Variants in TMEM266 observed in about 807,000 individuals in gnomAD.
The protein encoded by TMEM266 is transmembrane protein 266.
A neutral mutation model predicts 50.5 loss-of-function variants in TMEM266; 33 were observed. That is an observed-to-expected ratio of 0.65 (90% confidence interval 0.50 to 0.87). The LOEUF is 0.87. Among genes scored for constraint, TMEM266 ranks in the 40% least tolerant of loss-of-function variants. The pLI, the probability that TMEM266 is intolerant of heterozygous loss-of-function variation, is 0.00. For missense variants in TMEM266, 655 were observed against 695.1 expected, an observed-to-expected ratio of 0.94 and a Z score of 0.65; for synonymous variants, 310 against 292.3, an observed-to-expected ratio of 1.06 and a Z score of -0.62.
At chr15:76,195,171 C>T (rs2038636083) in intron 9 of TMEM266, among the ~76,000 whole-genome samples, 1 of 152,220 alleles carries the variant, frequency 6.6e-6, no homozygotes, top group African/African-American at 2.4e-5. Context: ...ACACCGTTCC[C>T]TGGCAACCTT....
In TMEM266 at chr15:76,181,759, A is replaced by G. The variant is rs114131771; in HGVS notation, c.768+6085A>G. 7.6e-3 allele frequency among the ~76,000 whole-genome samples: 1,158 copies of G among 152,240 alleles called. 15 individuals are homozygous for G. Among genetic ancestry groups the G allele is most frequent in the African/African-American group, 0.027 (1,110 of 41,532 alleles). On this transcript the variant is annotated intron_variant, in intron 8 of 10. Coordinates refer to ENST00000388942, the MANE Select transcript of TMEM266 (RefSeq NM_152335.3). ...CCATTTTAGATGCAGCAGTTAAATCAATGCAACGATATACTCTTCTGACTC... is the reference window on the plus strand; with the variant it reads ...CCATTTTAGATGCAGCAGTTAAATCGATGCAACGATATACTCTTCTGACTC...
chr15:76,126,374 C>CATATATATATATATATATATATAT (rs61446223), intron 1 of TMEM266, among the ~76,000 whole-genome samples: 25 of 137,806 alleles, frequency 1.8e-4, no homozygotes, highest in African/African-American at 6.4e-4. Context: ...CACCCACAGA[C>CATATATATATATATATATATATAT]ATATATATAT....
chr15:76,164,727 T>C (rs2142054785), intron 5 of TMEM266, among the ~76,000 whole-genome samples: 2 of 152,326 alleles, frequency 1.3e-5, no homozygotes, highest in South Asian at 4.1e-4. Context: ...TGGTGGCTGT[T>C]CCTTAGACCA....
chr15:76,126,350 TAC>T (rs377278112), intron 1 of TMEM266, among the ~76,000 whole-genome samples: 75 of 139,048 alleles, frequency 5.4e-4, no homozygotes, highest in African/African-American at 1.5e-3. Flanking sequence ...TATGTGTGTG[TAC>T]ACACACACAC....
In TMEM266 at chr15:76,202,190, C is replaced by T; in HGVS notation, c.959-12C>T. ...TTGATGCACTCACCCTTCTCTGTCCCCACCTCTGTAGAAGCCACGATGAAG... is the reference window on the plus strand; with the variant it reads ...TTGATGCACTCACCCTTCTCTGTCCTCACCTCTGTAGAAGCCACGATGAAG... On this transcript the variant is annotated splice_polypyrimidine_tract_variant and intron_variant, in intron 9 of 10. Transcript: ENST00000388942. The T allele has an allele frequency of 1.2e-6, 2 of 1,611,750 alleles. No homozygotes were observed. Among genetic ancestry groups the T allele is most frequent in the Non-Finnish European group, 1.7e-6 (2 of 1,178,212 alleles).
intron 8 of TMEM266, among the ~76,000 whole-genome samples, chr15:76,183,673 C>A (rs556119934): frequency 7.2e-5 from 11 of 152,334 alleles, no homozygotes; most frequent in East Asian, 1.9e-4. Context: ...AATGGGCTCA[C>A]AACATTCCCT....
At chr15:76,140,395 G>A (rs963042584) in intron 3 of TMEM266, among the ~76,000 whole-genome samples, 2 of 152,210 alleles carry the variant, frequency 1.3e-5, no homozygotes, top group Non-Finnish European at 2.9e-5. Context: ...GTCCAACCCG[G>A]CCCTTTCTGG....
chr15:76,099,533 A>G (rs1567150445), intron 1 of TMEM266, among the ~76,000 whole-genome samples: 1 of 152,228 alleles, frequency 6.6e-6, no homozygotes, highest in Non-Finnish European at 1.5e-5. Context: ...CCATCTTGCC[A>G]ACAATCCCAG....
chr15:76,105,024 C>G (rs1303167960), intron 1 of TMEM266, among the ~76,000 whole-genome samples: 1 of 152,072 alleles, frequency 6.6e-6, no homozygotes, highest in Non-Finnish European at 1.5e-5. Flanking sequence ...ACAACCTGTC[C>G]TTAAAATAGA....
At chr15:76,107,690 T>G (rs1407938485) in intron 1 of TMEM266, among the ~76,000 whole-genome samples, 1 of 152,220 alleles carries the variant, frequency 6.6e-6, no homozygotes, top group Non-Finnish European at 1.5e-5. Context: ...CCTAGTCATG[T>G]GTCAGCCATG....
intron 3 of TMEM266, among the ~76,000 whole-genome samples, chr15:76,144,771 G>A (rs2142037690): frequency 6.6e-6 from 1 of 152,232 alleles, no homozygotes; most frequent in Admixed American, 6.5e-5. Flanking sequence ...AAACCTTCAT[G>A]CGTGTCCACA....
chr15:76,163,073 A>G (rs1215214129), intron 5 of TMEM266, among the ~76,000 whole-genome samples: 1 of 152,188 alleles, frequency 6.6e-6, no homozygotes, highest in Admixed American at 6.5e-5. Flanking sequence ...GAAGGTGGGT[A>G]GGACATTTTA....
At chr15:76,114,553 A>G (rs931886174) in intron 1 of TMEM266, among the ~76,000 whole-genome samples, 1 of 151,998 alleles carries the variant, frequency 6.6e-6, no homozygotes, top group African/African-American at 2.4e-5. Context: ...ATCTTTCTAT[A>G]TACATCACAC....
chr15:76,153,644 G>A lies in TMEM266; in HGVS notation c.228-2960G>A, dbSNP rs987063829. ...GAGGGCAGGAGGGGAACCGGCTTCC[G>A]GGGGCGCTGAGGCGGCTGGAGGCTG... On this transcript the variant is annotated intron_variant, in intron 3 of 10. Coordinates refer to ENST00000388942, the MANE Select transcript of TMEM266 (RefSeq NM_152335.3). The surrounding 1 kb of genome is among the most constrained non-coding windows in gnomAD (Gnocchi z 4.2). Among the ~76,000 whole-genome samples the A allele has an allele frequency of 5.3e-5, 8 of 152,076 alleles. No individual in the cohort carries two copies. Among genetic ancestry groups the A allele is most frequent in the Admixed American group, 2.0e-4 (3 of 15,274 alleles).
chr15:76,085,262 CT>C (rs773522680), intron 1 of TMEM266, among the ~76,000 whole-genome samples: 171 of 138,584 alleles, frequency 1.2e-3, no homozygotes, highest in Non-Finnish European at 1.1e-3. Context: ...CCCAGCCTTT[CT>C]TTTTTTTTTT....
intron 1 of TMEM266, among the ~76,000 whole-genome samples, chr15:76,102,831 C>G (rs113802113): frequency 2.1e-5 from 3 of 144,288 alleles, no homozygotes; most frequent in Non-Finnish European, 3.0e-5. Context: ...AGAGTGAGAC[C>G]CTTATCTCCA....
intron 1 of TMEM266, among the ~76,000 whole-genome samples, chr15:76,108,662 C>T (rs2037123330): frequency 1.3e-5 from 2 of 152,124 alleles, no homozygotes; most frequent in South Asian, 4.1e-4. Flanking sequence ...GGCCTGTGCA[C>T]CTGGGAACCA....
chr15:76,183,251 G>A (rs1313497523), intron 8 of TMEM266, among the ~76,000 whole-genome samples: 2 of 151,548 alleles, frequency 1.3e-5, no homozygotes, highest in African/African-American at 2.4e-5. Context: ...GAGTAGCTGG[G>A]ATTACAGGCA....
chr15:76,128,261 G>A (rs1246789241), intron 1 of TMEM266, among the ~76,000 whole-genome samples: 4 of 152,356 alleles, frequency 2.6e-5, no homozygotes, highest in South Asian at 4.1e-4. Flanking sequence ...CAGACCTGGG[G>A]TCCTCTGGGG....
Sources: allele counts gnomAD v4.1 joint callset (sites outside exome capture counted in the v4.1 genomes callset), GRCh38; gene constraint gnomAD v4.1.1; non-coding constraint Gnocchi (gnomAD v3.1); transcripts MANE v1.5; gene names NCBI Gene and HGNC (gene_info 2026-07-23, HGNC 2026-07-21).